TMEM202: variants seen among roughly 807,000 people sequenced by gnomAD.
TMEM202 encodes the protein transmembrane protein 202.
A neutral mutation model predicts 26.1 loss-of-function variants in TMEM202; 25 were observed. That is an observed-to-expected ratio of 0.96 (90% CI 0.70 to 1.34). The LOEUF is 1.34. Ranked by LOEUF, TMEM202 falls within the 40% of genes most tolerant of loss-of-function variation. The pLI is 0.00. For synonymous variants in TMEM202, 122 were observed against 119.0 expected (o/e 1.02, Z -0.16); for missense variants, 301 against 327.7 (o/e 0.92, Z 0.63).
Position 72,407,194 on chromosome 15 carries a change from G to A in TMEM202, c.596G>A (p.Ser199Asn). ...LLWTYYLNWCSDIFYMFAGII... is the reference protein window; with the variant it reads ...LLWTYYLNWCNDIFYMFAGII... Reference sequence around the variant, plus strand: ...TGGACCTATTATCTTAACTGGTGCAGTGACATCTTTTACATGTTTGCTGGT... The same window carrying A: ...TGGACCTATTATCTTAACTGGTGCAATGACATCTTTTACATGTTTGCTGGT... Residue 199 changes from serine (S) to asparagine (N), a missense_variant, in exon 4 of 5, where the codon AGT (serine) becomes AAT (asparagine). Coordinates refer to ENST00000341689, the MANE Select transcript of TMEM202 (RefSeq NM_001080462.3). The A allele has an allele frequency of 6.2e-7, 1 of 1,613,698 alleles. No individual in the cohort carries two copies. The highest frequency in any genetic ancestry group is 8.5e-7 in the Non-Finnish European group (1 of 1,179,758).
chr15:72,404,868 G>C (rs1276613118), intron 2 of TMEM202, among the ~76,000 whole-genome samples: 2 of 152,174 alleles, frequency 1.3e-5, no homozygotes, highest in Non-Finnish European at 2.9e-5. Context: ...CACAAAGGCT[G>C]CCTGTTACCC....
At position 72,406,635 on chromosome 15, in the gene TMEM202, T is replaced by A; in HGVS notation, c.371T>A (p.Ile124Asn). ...YLQYSRAFFLISVFTILTGLG... is the reference protein window; with the variant it reads ...YLQYSRAFFLNSVFTILTGLG... ...CAATATTCCAGGGCCTTCTTTCTCA[T>A]CTCTGTCTTTACCATACTTACTGGC... is the stretch of plus-strand genomic sequence containing the variant. The change falls in exon 3 of 5, where the codon ATC (isoleucine) becomes AAC (asparagine). Residue 124 changes from isoleucine (I) to asparagine (N), a missense_variant. Coordinates refer to ENST00000341689, the MANE Select transcript of TMEM202 (RefSeq NM_001080462.3). 1 of 1,614,074 alleles carries A rather than the reference T, an allele frequency of 6.2e-7. No individual in the cohort carries two copies. Among genetic ancestry groups the A allele is most frequent in the Non-Finnish European group, 8.5e-7 (1 of 1,179,964 alleles).
intron 2 of TMEM202, among the ~76,000 whole-genome samples, chr15:72,402,822 C>G (rs1472775331): frequency 6.6e-6 from 1 of 152,072 alleles, no homozygotes; most frequent in Non-Finnish European, 1.5e-5. Context: ...GGCACTCCAA[C>G]TGGGTTACGA....
In TMEM202 at chr15:72,406,955, G is replaced by C. The variant is rs2063574830; in HGVS notation, c.488-131G>C. ...GGTATAGAGCCTTTCTCTCATCTTGGTCAGTCCCCAGGTTTTTATCTTTTT... is the reference window on the plus strand; with the variant it reads ...GGTATAGAGCCTTTCTCTCATCTTGCTCAGTCCCCAGGTTTTTATCTTTTT... On this transcript the variant is annotated intron_variant, in intron 3 of 4. Transcript: ENST00000341689. 6 of 1,322,590 alleles carry C rather than the reference G, an allele frequency of 4.5e-6. No individual in the cohort carries two copies. The African/African-American group carries it at 8.8e-5, about 19-fold the overall frequency. The allele number at this position is 1,322,590 out of a possible 1,614,324, so 81.9% of individuals were successfully genotyped here. A position where few individuals can be genotyped will look rare whatever the true frequency, so the allele number is the denominator to read the frequency against.
chr15:72,402,898 C>A (rs146041109), intron 2 of TMEM202, among the ~76,000 whole-genome samples: 2 of 152,238 alleles, frequency 1.3e-5, no homozygotes, highest in Non-Finnish European at 2.9e-5. Context: ...CACCCAGGAT[C>A]ATTTCCATTC....
Position 72,398,913 on chromosome 15 carries a change from G to C in TMEM202, c.337+5G>C. On this transcript the variant is annotated splice_donor_5th_base_variant and intron_variant, in intron 2 of 4. Coordinates refer to ENST00000341689, the MANE Select transcript of TMEM202 (RefSeq NM_001080462.3). ...GCCACACACCCAAGCCACCCTGTGA[G>C]TGCCACCGAATTAAATGCCACAGGC... 1 of 1,597,846 alleles carries C rather than the reference G, an allele frequency of 6.3e-7. No homozygotes were observed. The highest frequency in any genetic ancestry group is 8.6e-7 in the Non-Finnish European group (1 of 1,167,582).
chr15:72,406,824 C>T, intron 3 of TMEM202, 73 bp downstream of exon 3: 1 of 1,501,734 alleles, frequency 6.7e-7, no homozygotes, highest in African/African-American at 1.4e-5. Flanking sequence ...CTGTGGAACT[C>T]TCATACTCTT....
chr15:72,398,512 T>TG, intron 1 of TMEM202, 105 bp downstream of exon 1: 2 of 1,402,120 alleles, frequency 1.4e-6, no homozygotes, highest in South Asian at 2.9e-5. Context: ...CTGAAAATTG[T>TG]GGGGTTTTTT....
intron 2 of TMEM202, among the ~76,000 whole-genome samples, chr15:72,399,835 G>A (rs1326329975): frequency 2.0e-5 from 3 of 152,110 alleles, no homozygotes; most frequent in African/African-American, 7.2e-5. Flanking sequence ...CCCATAACCC[G>A]CAAGATATAC....
At chr15:72,406,515 A>G (rs1387188676) in intron 2 of TMEM202, 87 bp from the exon 3 acceptor site, 2 of 1,099,448 alleles carry the variant, frequency 1.8e-6, no homozygotes, top group Non-Finnish European at 2.6e-6. Flanking sequence ...TTGTTCTTAA[A>G]TCCTTCTCTA....
chr15:72,403,446 G>C (rs980179845), intron 2 of TMEM202, among the ~76,000 whole-genome samples: 1 of 152,212 alleles, frequency 6.6e-6, no homozygotes, highest in Non-Finnish European at 1.5e-5. Flanking sequence ...CTGCATCAAA[G>C]TATATCAGTA....
intron 2 of TMEM202, 35 bp from the exon 3 acceptor site, chr15:72,406,567 C>A: frequency 6.2e-7 from 1 of 1,604,684 alleles, no homozygotes; most frequent in Non-Finnish European, 8.5e-7. Context: ...CCTCACTGGA[C>A]TAACCACGGT....
intron 2 of TMEM202, among the ~76,000 whole-genome samples, chr15:72,404,114 T>C (rs2063560690): frequency 6.6e-6 from 1 of 152,136 alleles, no homozygotes; most frequent in Non-Finnish European, 1.5e-5. Context: ...AACTTATTTA[T>C]AAAGATTCAG....
intron 2 of TMEM202, among the ~76,000 whole-genome samples, chr15:72,402,979 C>T (rs543143205): frequency 1.3e-5 from 2 of 152,190 alleles, no homozygotes; most frequent in South Asian, 2.1e-4. Flanking sequence ...GCCTTGAAAG[C>T]GGTCACAATG....
At chr15:72,400,439 A>G (rs1001105446) in intron 2 of TMEM202, among the ~76,000 whole-genome samples, 2 of 152,352 alleles carry the variant, frequency 1.3e-5, no homozygotes, top group South Asian at 2.1e-4. Flanking sequence ...AGGTGTATCC[A>G]GAGACTTAAA....
Position 72,407,942 on chromosome 15 carries a change from T to G in TMEM202, c.*49T>G. On this transcript the variant is annotated 3_prime_UTR_variant, in exon 5 of 5. Transcript: ENST00000341689. ...TCTTAAAAGCAGGGGAGAAGCTGAG[T>G]TGGGAATGGTCACATAAATTCTGGG... The G allele has an allele frequency of 6.7e-7, 1 of 1,492,200 alleles. No individual in the cohort carries two copies. Among genetic ancestry groups the G allele is most frequent in the Admixed American group, 1.7e-5 (1 of 57,862 alleles). The allele number at this position is 1,492,200 out of a possible 1,614,324, so 92.4% of individuals were successfully genotyped here.
At position 72,398,387 on chromosome 15, in the gene TMEM202, G is replaced by A. The variant is rs751944961; in HGVS notation, c.61G>A (p.Gly21Arg). The A allele has an allele frequency of 2.4e-5, 38 of 1,612,386 alleles. No homozygotes were observed. Among genetic ancestry groups the A allele is most frequent in the Admixed American group, 8.4e-5 (5 of 59,738 alleles). ...FHSPEVPKIKGNRKYQRPTVP... is the reference protein window; with the variant it reads ...FHSPEVPKIKRNRKYQRPTVP... ...CAGTCCTGAGGTTCCCAAAATAAAG[G>A]GGAACCGGAAATACCAAAGGGTGAG... Residue 21 changes from glycine (G) to arginine (R), a missense_variant, in exon 1 of 5, where the codon GGG becomes AGG. Physicochemically the swap from Gly to Arg is moderately radical, Grantham distance 125. Coordinates refer to ENST00000341689, the MANE Select transcript of TMEM202 (RefSeq NM_001080462.3).
At position 72,408,108 on chromosome 15, in the gene TMEM202, A is replaced by G. The variant is rs1475655350; in HGVS notation, c.*215A>G. 1.9e-6 allele frequency: 1 copy of G among 530,836 alleles called. No homozygotes were observed. Among genetic ancestry groups the G allele is most frequent in the African/African-American group, 1.9e-5 (1 of 52,624 alleles). 32.9% of individuals were successfully genotyped at this position (530,836 alleles called of 1,614,324 possible). A position where few individuals can be genotyped will look rare whatever the true frequency, so the allele number is the denominator to read the frequency against. ...ACTTAAGAAAAACATTTCTAAAAGA[A>G]AACAACAATGTTTAGAGTCATGAAT... On this transcript the variant is annotated 3_prime_UTR_variant, in exon 5 of 5. Transcript: ENST00000341689.
At chr15:72,402,558 A>G (rs1363368678) in intron 2 of TMEM202, among the ~76,000 whole-genome samples, 1 of 152,188 alleles carries the variant, frequency 6.6e-6, no homozygotes, top group Admixed American at 6.5e-5. Context: ...ATGGGGAGGA[A>G]AGGACAGTAT....
Sources: gnomAD v4.1 joint callset for allele counts (sites outside exome capture counted in the v4.1 genomes callset) on GRCh38, gnomAD v4.1.1 for gene constraint, MANE v1.5 for transcripts, NCBI Gene and HGNC (gene_info 2026-07-23, HGNC 2026-07-21) for gene names.